Variants in TPRG1 observed in about 807,000 individuals in gnomAD.
TPRG1 encodes tumor protein p63-regulated gene 1 protein.
In TPRG1, 29 loss-of-function variants were observed where a neutral mutation model predicts 29.3. That is an observed-to-expected ratio of 0.99 (90% CI 0.74 to 1.35). The LOEUF is 1.35. Ranked by LOEUF, TPRG1 falls within the 40% of genes most tolerant of loss-of-function variation. The probability of loss-of-function intolerance (pLI) is 0.00; values close to 1 mark genes in which losing one functional copy is unlikely to be tolerated. For missense variants in TPRG1, 327 were observed against 335.0 expected, an observed-to-expected ratio of 0.98 and a Z score of 0.19; for synonymous variants, 130 against 116.8, an observed-to-expected ratio of 1.11 and a Z score of -0.73.
In TPRG1 at chr3:189,218,023, C is replaced by T. The variant is rs184999543; in HGVS notation, c.302+2640C>T. 9.5e-5 allele frequency: 94 copies of T among 985,396 alleles called. No homozygotes were observed. The African/African-American group carries it at 1.4e-3, about 14-fold the overall frequency. The allele number at this position is 985,396 out of a possible 1,614,324, so 61.0% of individuals were successfully genotyped here. On this transcript the variant is annotated intron_variant, in intron 3 of 5. Coordinates refer to ENST00000345063, the MANE Select transcript of TPRG1 (RefSeq NM_198485.4). ...AGAAAGGTAAGAGCTTGCAATTACT[C>T]CTGGCTTCTTGCTTCCCATTTATTT...
In TPRG1 at chr3:189,157,793, G is replaced by A. The variant is rs16864034; in HGVS notation, c.-10+6921G>A. ...CCTCCTTCCTAAGCCACGCTGATGA[G>A]TTGGGACCTGTAGGACCCATGTGAC... is the stretch of plus-strand genomic sequence containing the variant. On this transcript the variant is annotated intron_variant, in intron 5 of 6. Coordinates refer to the TPRG1 transcript ENST00000412373. 3.3e-5 allele frequency among the ~76,000 whole-genome samples: 5 copies of A among 152,194 alleles called. No homozygotes were observed. In the East Asian group the frequency reaches 9.7e-4, roughly 29 times the overall value.
chr3:189,262,203 G>GGTATAAGTATAAAA (rs1713186963), intron 4 of TPRG1, among the ~76,000 whole-genome samples: 1 of 141,422 alleles, frequency 7.1e-6, no homozygotes. Context: ...GAGAAGACTT[G>GGTATAAGTATAAAA]GTATAAGTAT....
chr3:189,113,213 TG>T (rs1720759905), intron 1 of TPRG1, among the ~76,000 whole-genome samples: 1 of 152,230 alleles, frequency 6.6e-6, no homozygotes, highest in Non-Finnish European at 1.5e-5. Flanking sequence ...TTGTGATTTT[TG>T]TACATTGATT....
At chr3:189,233,452 C>T (rs1166003672) in intron 3 of TPRG1, among the ~76,000 whole-genome samples, 1 of 152,064 alleles carries the variant, frequency 6.6e-6, no homozygotes, top group Non-Finnish European at 1.5e-5. Flanking sequence ...AAACTGTTGT[C>T]ATCCCAGGAA....
At chr3:189,182,698 AAAAGGGAGC>A (rs1393748928) in intron 1 of TPRG1, among the ~76,000 whole-genome samples, 2 of 152,190 alleles carry the variant, frequency 1.3e-5, no homozygotes, top group African/African-American at 4.8e-5. Flanking sequence ...AAAGTACGTA[AAAAGGGAGC>A]AACATGAATA....
chr3:189,124,268 C>T (rs1722167299), intron 1 of TPRG1, among the ~76,000 whole-genome samples: 1 of 151,934 alleles, frequency 6.6e-6, no homozygotes, highest in Admixed American at 6.6e-5. Flanking sequence ...CAGAGAAATT[C>T]CTTGTGGCAA....
At chr3:189,128,654 A>G (rs2108525338) in intron 2 of TPRG1, among the ~76,000 whole-genome samples, 1 of 152,308 alleles carries the variant, frequency 6.6e-6, no homozygotes, top group South Asian at 2.1e-4. Context: ...AAATGTTGGT[A>G]CTATTTCTCT....
At chr3:189,267,889 G>GGA (rs1714399057) in intron 4 of TPRG1, among the ~76,000 whole-genome samples, 1 of 152,174 alleles carries the variant, frequency 6.6e-6, no homozygotes, top group Non-Finnish European at 1.5e-5. Flanking sequence ...ACAGGGAGCG[G>GGA]TATGTGGGAT....
At chr3:189,072,414 C>G (rs527871073) in intron 4 of TPRG1, among the ~76,000 whole-genome samples, 1 of 152,038 alleles carries the variant, frequency 6.6e-6, no homozygotes, top group Admixed American at 6.6e-5. Flanking sequence ...TTTTGAAAAA[C>G]AAAGCTCAGA....
At chr3:189,081,079 C>A (rs1448097337) in intron 4 of TPRG1, among the ~76,000 whole-genome samples, 2 of 152,078 alleles carry the variant, frequency 1.3e-5, no homozygotes, top group Non-Finnish European at 2.9e-5. Flanking sequence ...CATTTATTTT[C>A]AGTCTGGATA....
At chr3:189,229,547 A>T (rs866201029) in intron 3 of TPRG1, among the ~76,000 whole-genome samples, 2 of 152,220 alleles carry the variant, frequency 1.3e-5, no homozygotes, top group Admixed American at 6.5e-5. Context: ...CAGATCTGAA[A>T]ATTCATGTAC....
intron 4 of TPRG1, among the ~76,000 whole-genome samples, chr3:189,307,769 G>A (rs1382002071): frequency 1.3e-5 from 2 of 152,136 alleles, no homozygotes; most frequent in African/African-American, 4.8e-5. Flanking sequence ...GGAAGCACTG[G>A]GCTATAGCTT....
intron 4 of TPRG1, among the ~76,000 whole-genome samples, chr3:189,043,923 G>A (rs1714795531): frequency 6.6e-6 from 1 of 152,110 alleles, no homozygotes; most frequent in Non-Finnish European, 1.5e-5. Flanking sequence ...GCCATCTACA[G>A]CATTTGAGCA....
chr3:189,093,410 G>A (rs1718466444), intron 4 of TPRG1, among the ~76,000 whole-genome samples: 1 of 152,270 alleles, frequency 6.6e-6, no homozygotes, highest in South Asian at 2.1e-4. Flanking sequence ...GAGAACAGGA[G>A]GAATATTAAT....
At chr3:189,304,466 G>T (rs1455477855) in intron 4 of TPRG1, among the ~76,000 whole-genome samples, 1 of 152,084 alleles carries the variant, frequency 6.6e-6, no homozygotes, top group East Asian at 1.9e-4. Context: ...ACCCTTGCCA[G>T]TAAGTGGTTA....
intron 4 of TPRG1, among the ~76,000 whole-genome samples, chr3:189,084,718 A>T (rs1239792822): frequency 6.6e-6 from 1 of 152,224 alleles, no homozygotes; most frequent in Non-Finnish European, 1.5e-5. Context: ...TATGTGGCCT[A>T]AATGGATGCT....
chr3:189,140,559 CCTT>C (rs1312074079), intron 3 of TPRG1, among the ~76,000 whole-genome samples: 1 of 152,186 alleles, frequency 6.6e-6, no homozygotes, highest in Non-Finnish European at 1.5e-5. Flanking sequence ...CTATTATTCT[CCTT>C]CTCTTGTCTT....
chr3:189,236,777 C>T (rs1328341125), intron 3 of TPRG1, among the ~76,000 whole-genome samples: 1 of 152,116 alleles, frequency 6.6e-6, no homozygotes, highest in Non-Finnish European at 1.5e-5. Flanking sequence ...CTTCTCCTTT[C>T]TTTCTTTCAC....
intron 4 of TPRG1, among the ~76,000 whole-genome samples, chr3:189,275,454 G>A (rs1459747573): frequency 2.0e-5 from 3 of 152,128 alleles, no homozygotes; most frequent in Non-Finnish European, 2.9e-5. Context: ...CTGCATCTGG[G>A]CAACACAAAG....
Sources: allele counts gnomAD v4.1 joint callset (sites outside exome capture counted in the v4.1 genomes callset), GRCh38; gene constraint gnomAD v4.1.1; transcripts MANE v1.5; gene names NCBI Gene and HGNC (gene_info 2026-07-23, HGNC 2026-07-21).